Variants in RPRD2 observed in about 807,000 individuals in gnomAD.
RPRD2 encodes the protein regulation of nuclear pre-mRNA domain containing 2, also known as regulation of nuclear pre-mRNA domain-containing protein 2.
Under a neutral mutation model 104.4 loss-of-function variants are expected in RPRD2, and 12 were observed. The observed-to-expected ratio is 0.11, with a 90% CI of 0.07 to 0.19. The LOEUF (loss-of-function observed/expected upper bound fraction) is 0.19, where lower values mean the gene tolerates loss of function less well. RPRD2 is among the 10% of genes least tolerant of loss of function. RPRD2 has a pLI of 1.00. For missense variants in RPRD2, 1,543 were observed against 1,790.1 expected, an observed-to-expected ratio of 0.86 and a Z score of 2.49; for synonymous variants, 714 against 684.9, an observed-to-expected ratio of 1.04 and a Z score of -0.66.
In RPRD2 at chr1:150,471,657, T is replaced by C. The variant is rs1365788071; in HGVS notation, c.2709T>C (p.Cys903=). ...VRALLDSSEN[C]DRLSSSPGLF... ...CCCTCCTGGACTCTAGTGAGAACTG[T>C]GACCGTCTCTCATCTTCCCCTGGGC... is the stretch of plus-strand genomic sequence containing the variant. The change falls in exon 11 of 11, where the codon TGT becomes TGC. Residue 903 remains cysteine (C), a synonymous_variant. Coordinates refer to ENST00000369068, the MANE Select transcript of RPRD2 (RefSeq NM_015203.5). The surrounding 1 kb of genome is among the most constrained non-coding windows in gnomAD (Gnocchi z 5.3). 6.2e-7 allele frequency: 1 copy of C among 1,613,894 alleles called. No individual in the cohort carries two copies. Among genetic ancestry groups the C allele is most frequent in the South Asian group, 1.1e-5 (1 of 91,058 alleles).
intron 1 of RPRD2, among the ~76,000 whole-genome samples, chr1:150,374,637 A>G (rs190109999): frequency 1.3e-5 from 2 of 152,252 alleles, no homozygotes; most frequent in East Asian, 3.9e-4. Flanking sequence ...TTCATTGCAG[A>G]ATTGCTTGCT....
chr1:150,434,345 G>T (rs1485450684), intron 2 of RPRD2, among the ~76,000 whole-genome samples: 4 of 152,148 alleles, frequency 2.6e-5, no homozygotes, highest in African/African-American at 9.7e-5. Flanking sequence ...GGCAGAGCAA[G>T]ACTGTCTATG....
intron 2 of RPRD2, among the ~76,000 whole-genome samples, chr1:150,424,617 A>G (rs1485561082): frequency 6.6e-6 from 1 of 152,114 alleles, no homozygotes; most frequent in East Asian, 1.9e-4. Flanking sequence ...ACAAAATGAG[A>G]AAAACTGAAG....
intron 1 of RPRD2, among the ~76,000 whole-genome samples, chr1:150,405,375 A>G (rs587692035): frequency 6.6e-6 from 1 of 151,692 alleles, no homozygotes; most frequent in Non-Finnish European, 1.5e-5. Flanking sequence ...GCTTGAAAAT[A>G]CTGGAAATTT....
At chr1:150,371,107 T>A (rs1660266399) in intron 1 of RPRD2, among the ~76,000 whole-genome samples, 1 of 152,204 alleles carries the variant, frequency 6.6e-6, no homozygotes, top group Non-Finnish European at 1.5e-5. Flanking sequence ...CATACAGGAT[T>A]TGGTTTTGCA....
At position 150,471,180 on chromosome 1, in the gene RPRD2, C is replaced by T; in HGVS notation, c.2232C>T (p.Ser744=). Residue 744 remains serine, a synonymous_variant, in exon 11 of 11, where the codon TCC becomes TCT. Transcript: ENST00000369068. This position sits in a 1 kb window ranked among gnomAD's most constrained non-coding sequence, Gnocchi z 5.3. ...TQDEMMDKPT[S]SSVDTMSLLS... The stretch of plus-strand genomic sequence containing the variant: ...ATGAGATGATGGACAAGCCCACATC[C>T]AGCAGTGTAGATACTATGTCCCTGC... 3 of 1,613,892 alleles carry T rather than the reference C, an allele frequency of 1.9e-6. No homozygotes were observed. The highest frequency in any genetic ancestry group is 2.5e-6 in the Non-Finnish European group (3 of 1,179,864).
At chr1:150,396,846 A>G (rs750285205) in intron 1 of RPRD2, among the ~76,000 whole-genome samples, 9 of 152,246 alleles carry the variant, frequency 5.9e-5, no homozygotes, top group Non-Finnish European at 1.2e-4. Flanking sequence ...AAATAGGCAC[A>G]TAGACCAATG....
At position 150,473,442 on chromosome 1, in the gene RPRD2, A is replaced by G. The variant is rs1430102168; in HGVS notation, c.*108A>G. On this transcript the variant is annotated 3_prime_UTR_variant, in exon 11 of 11. Coordinates refer to ENST00000369068, the MANE Select transcript of RPRD2 (RefSeq NM_015203.5). ...TTTTCTCTTTCTCGATTTTTTTTTT[A>G]TTATAACAAAGGGCCTCTCTTCCAA... is the stretch of plus-strand genomic sequence containing the variant. 5.4e-6 allele frequency: 6 copies of G among 1,112,172 alleles called. No individual in the cohort carries two copies. The Admixed American group carries it at 1.1e-4, about 20-fold the overall frequency. 68.9% of individuals were successfully genotyped at this position (1,112,172 alleles called of 1,614,324 possible).
At chr1:150,439,054 C>T (rs1277761426) in intron 2 of RPRD2, among the ~76,000 whole-genome samples, 4 of 152,062 alleles carry the variant, frequency 2.6e-5, no homozygotes, top group South Asian at 2.1e-4. Context: ...AGGATGGTCT[C>T]GATCTCTTGA....
Position 150,472,435 on chromosome 1 carries a change from A to G in RPRD2, c.3487A>G (p.Lys1163Glu). 1.2e-6 allele frequency: 2 copies of G among 1,613,924 alleles called. No individual in the cohort carries two copies. Among genetic ancestry groups the G allele is most frequent in the Non-Finnish European group, 1.7e-6 (2 of 1,179,864 alleles). The change falls in exon 11 of 11, where the codon AAA becomes GAA. Residue 1163 changes from lysine to glutamate, a missense_variant. Physicochemically the swap from Lys to Glu is moderately conservative, Grantham distance 56. Coordinates refer to ENST00000369068, the MANE Select transcript of RPRD2 (RefSeq NM_015203.5). ...GGGCAGCGGAGGCCTCACTGGCTTT[A>G]AAACAGCACCATACAAGGAACGGGC... ...GGGSGGLTGF[K>E]TAPYKERAPQ...
chr1:150,413,840 G>A (rs1274126155), intron 1 of RPRD2, among the ~76,000 whole-genome samples: 6 of 151,192 alleles, frequency 4.0e-5, no homozygotes, highest in African/African-American at 9.7e-5. Context: ...CAGGAGAATC[G>A]CTTGAACCCA....
chr1:150,470,841 T>C lies in RPRD2; in HGVS notation c.1893T>C (p.Phe631=). ...TFKLPSNSLG[F]TATHNTSPAA... ...AACTACCTTCCAACTCTTTGGGGTTTACAGCTACCCACAATACTAGCCCTG... is the reference window on the plus strand; with the variant it reads ...AACTACCTTCCAACTCTTTGGGGTTCACAGCTACCCACAATACTAGCCCTG... The change falls in exon 11 of 11, where the codon TTT becomes TTC. Residue 631 remains phenylalanine, a synonymous_variant. Transcript: ENST00000369068. 6.2e-7 allele frequency: 1 copy of C among 1,613,978 alleles called. No individual in the cohort carries two copies. Among genetic ancestry groups the C allele is most frequent in the Non-Finnish European group, 8.5e-7 (1 of 1,179,896 alleles).
intron 10 of RPRD2, 24 bp downstream of exon 10, chr1:150,464,751 C>A (rs1553899576): frequency 1.3e-6 from 2 of 1,570,960 alleles, no homozygotes; most frequent in East Asian, 2.3e-5. Flanking sequence ...GCCAGAGGGA[C>A]TCGAATTGTG....
chr1:150,382,870 G>T (rs1661240586), intron 1 of RPRD2, among the ~76,000 whole-genome samples: 1 of 152,106 alleles, frequency 6.6e-6, no homozygotes, highest in African/African-American at 2.4e-5. Context: ...AAATGAATAA[G>T]AGATAAGGTT....
At chr1:150,401,624 T>G (rs1481827201) in intron 1 of RPRD2, among the ~76,000 whole-genome samples, 1 of 151,722 alleles carries the variant, frequency 6.6e-6, no homozygotes, top group African/African-American at 2.4e-5. Flanking sequence ...ATTACCCCTT[T>G]CATAGTACTT....
intron 1 of RPRD2, among the ~76,000 whole-genome samples, chr1:150,413,237 GAGA>G (rs1261895105): frequency 6.6e-6 from 1 of 152,124 alleles, no homozygotes; most frequent in Non-Finnish European, 1.5e-5. Flanking sequence ...GGATAAGGAG[GAGA>G]AGGAGTCAGA....
chr1:150,449,419 A>G (rs916683099), intron 7 of RPRD2, among the ~76,000 whole-genome samples: 12 of 151,382 alleles, frequency 7.9e-5, no homozygotes, highest in East Asian at 5.8e-4. Context: ...CCATCTTTCT[A>G]TTTGTCCTAT....
intron 1 of RPRD2, among the ~76,000 whole-genome samples, chr1:150,371,715 T>C (rs782091787): frequency 2.0e-5 from 3 of 152,132 alleles, no homozygotes; most frequent in Non-Finnish European, 4.4e-5. Flanking sequence ...AGCTAATAGG[T>C]GGTGGAGATG....
intron 7 of RPRD2, among the ~76,000 whole-genome samples, chr1:150,454,577 G>A (rs1667393020): frequency 6.6e-6 from 1 of 152,192 alleles, no homozygotes; most frequent in Non-Finnish European, 1.5e-5. Flanking sequence ...GCTGGGCACA[G>A]TGGCTCACAC....
Sources: allele counts gnomAD v4.1 joint callset (sites outside exome capture counted in the v4.1 genomes callset), GRCh38; gene constraint gnomAD v4.1.1; non-coding constraint Gnocchi (gnomAD v3.1); transcripts MANE v1.5; gene names NCBI Gene and HGNC (gene_info 2026-07-23, HGNC 2026-07-21).